The following TNFAIP8 variants were observed in gnomAD, a reference collection of about 807,000 sequenced individuals.
The protein encoded by TNFAIP8 is tumor necrosis factor alpha-induced protein 8.
A neutral mutation model predicts 13.3 loss-of-function variants in TNFAIP8; 7 were observed. The observed-to-expected ratio is 0.52, with a 90% CI of 0.30 to 0.99. The LOEUF is 0.99. Among genes scored for constraint, TNFAIP8 ranks in the 50% least tolerant of loss-of-function variants. The probability of loss-of-function intolerance (pLI) is 0.07; values close to 1 mark genes in which losing one functional copy is unlikely to be tolerated. For synonymous variants in TNFAIP8, 94 were observed against 87.6 expected, an observed-to-expected ratio of 1.07 and a Z score of -0.41; for missense variants, 258 against 236.9, an observed-to-expected ratio of 1.09 and a Z score of -0.58.
chr5:119,373,909 G>A (rs1054184871), intron 1 of TNFAIP8, among the ~76,000 whole-genome samples: 3 of 152,074 alleles, frequency 2.0e-5, no homozygotes, highest in African/African-American at 7.2e-5. Context: ...AGGTAGATGG[G>A]GATTCATAGC....
chr5:119,381,498 C>T (rs1752482260), intron 1 of TNFAIP8, among the ~76,000 whole-genome samples: 1 of 152,044 alleles, frequency 6.6e-6, no homozygotes, highest in Non-Finnish European at 1.5e-5. Context: ...CATGATTGCA[C>T]CACTGCCCTC....
rs2112878875 is a variant in TNFAIP8, at chr5:119,395,988, A to G, written c.*2607A>G. 6.6e-6 allele frequency: 1 copy of G among 152,346 alleles called. No homozygotes were observed. Among genetic ancestry groups the G allele is most frequent in the Admixed American group, 6.5e-5 (1 of 15,300 alleles). 9.4% of individuals were successfully genotyped at this position (152,346 alleles called of 1,614,324 possible). ...TGGATGATAATACTAATGGACAACT[A>G]ACGCAGAGTAGTTTGTATTATGTGT... On this transcript the variant is annotated 3_prime_UTR_variant, in exon 2 of 2. Coordinates refer to ENST00000504771, the MANE Select transcript of TNFAIP8 (RefSeq NM_014350.4).
At chr5:119,275,483 G>A (rs1180947921) in intron 1 of TNFAIP8, among the ~76,000 whole-genome samples, 1 of 152,136 alleles carries the variant, frequency 6.6e-6, no homozygotes, top group Non-Finnish European at 1.5e-5. Flanking sequence ...CTCAGGACTC[G>A]GAGTTGCCAA....
intron 1 of TNFAIP8, among the ~76,000 whole-genome samples, chr5:119,319,601 A>G (rs769224343): frequency 7.2e-5 from 11 of 152,192 alleles, no homozygotes; most frequent in Non-Finnish European, 1.3e-4. Context: ...AGATAATTAA[A>G]TGAGTGCTTA....
At chr5:119,357,482 G>A (rs1228175844) in intron 1 of TNFAIP8, among the ~76,000 whole-genome samples, 2 of 152,164 alleles carry the variant, frequency 1.3e-5, no homozygotes, top group Non-Finnish European at 2.9e-5. Context: ...ATTACAAGTA[G>A]CACTTAAGCT....
At chr5:119,381,509 C>T (rs1264223021) in intron 1 of TNFAIP8, among the ~76,000 whole-genome samples, 1 of 151,978 alleles carries the variant, frequency 6.6e-6, no homozygotes, top group Non-Finnish European at 1.5e-5. Context: ...CACTGCCCTC[C>T]AGCTGGGTGA....
At chr5:119,379,037 T>A (rs1247310451) in intron 1 of TNFAIP8, among the ~76,000 whole-genome samples, 3 of 152,196 alleles carry the variant, frequency 2.0e-5, no homozygotes, top group African/African-American at 7.2e-5. Flanking sequence ...CACTCCAACC[T>A]GGATGACAGA....
chr5:119,345,959 A>T (rs1750886882), intron 1 of TNFAIP8, among the ~76,000 whole-genome samples: 2 of 152,194 alleles, frequency 1.3e-5, no homozygotes, highest in Admixed American at 1.3e-4. Context: ...AGCTAACAGG[A>T]AGTAAAGAGA....
chr5:119,324,075 A>G (rs1288602869), intron 1 of TNFAIP8, among the ~76,000 whole-genome samples: 1 of 151,780 alleles, frequency 6.6e-6, no homozygotes, highest in Admixed American at 6.6e-5. Context: ...TTTTTTCCTT[A>G]GAAGTTCCAG....
intron 1 of TNFAIP8, among the ~76,000 whole-genome samples, chr5:119,334,659 G>GTA (rs1750492935): frequency 7.2e-6 from 1 of 139,442 alleles, no homozygotes; most frequent in Non-Finnish European, 1.5e-5. Context: ...GTGTGTGTGT[G>GTA]TATACCTGGG....
At chr5:119,317,597 A>ATT (rs1749936668) in intron 1 of TNFAIP8, among the ~76,000 whole-genome samples, 1 of 148,142 alleles carries the variant, frequency 6.8e-6, no homozygotes, top group African/African-American at 2.5e-5. Flanking sequence ...TAATAATAAT[A>ATT]ATTATTATTA....
At chr5:119,271,817 CAT>C (rs887235747) in intron 1 of TNFAIP8, among the ~76,000 whole-genome samples, 1 of 152,214 alleles carries the variant, frequency 6.6e-6, no homozygotes, top group Non-Finnish European at 1.5e-5. Flanking sequence ...ACACTGCCCA[CAT>C]CCTGCATTTA....
At chr5:119,328,013 A>G (rs892508770) in intron 1 of TNFAIP8, among the ~76,000 whole-genome samples, 2 of 152,144 alleles carry the variant, frequency 1.3e-5, no homozygotes, top group African/African-American at 4.8e-5. Context: ...AAGATGAAAG[A>G]AAAGAAAGGG....
intron 1 of TNFAIP8, among the ~76,000 whole-genome samples, chr5:119,291,916 A>C (rs887072683): frequency 6.6e-6 from 1 of 152,202 alleles, no homozygotes; most frequent in Non-Finnish European, 1.5e-5. Context: ...AACCTTGGAG[A>C]CATCTGTAAC....
chr5:119,380,484 T>G (rs1358310649), intron 1 of TNFAIP8, among the ~76,000 whole-genome samples: 1 of 152,246 alleles, frequency 6.6e-6, no homozygotes, highest in Non-Finnish European at 1.5e-5. Flanking sequence ...ATCACGGAGC[T>G]GTTGAGAGGA....
upstream of TNFAIP8, among the ~76,000 whole-genome samples, chr5:119,352,941 A>G (rs1244869779): frequency 1.3e-5 from 2 of 152,232 alleles, no homozygotes; most frequent in Admixed American, 6.5e-5. Flanking sequence ...TTATACCTCA[A>G]TGAATGAATA....
Position 119,396,250 on chromosome 5 carries a change from A to G in TNFAIP8, c.*2869A>G, listed in dbSNP as rs1041812259. ...TGCTGAAATGGTTCCTCATATAGTGACATTTTAGGCAGTACCTAAGTCAGC... is the reference window on the plus strand; with the variant it reads ...TGCTGAAATGGTTCCTCATATAGTGGCATTTTAGGCAGTACCTAAGTCAGC... On this transcript the variant is annotated 3_prime_UTR_variant, in exon 2 of 2. Coordinates refer to ENST00000504771, the MANE Select transcript of TNFAIP8 (RefSeq NM_014350.4). 6 of 152,238 alleles carry G rather than the reference A, an allele frequency of 3.9e-5. No individual in the cohort carries two copies. The highest frequency in any genetic ancestry group is 9.6e-5 in the African/African-American group (4 of 41,462). 9.4% of individuals were successfully genotyped at this position (152,238 alleles called of 1,614,324 possible). A position where few individuals can be genotyped will look rare whatever the true frequency, so the allele number is the denominator to read the frequency against.
intron 1 of TNFAIP8, among the ~76,000 whole-genome samples, chr5:119,285,061 G>C (rs1005666168): frequency 2.6e-5 from 4 of 152,062 alleles, no homozygotes; most frequent in Non-Finnish European, 5.9e-5. Flanking sequence ...GAATATCATA[G>C]AGAAATTTTG....
intron 1 of TNFAIP8, among the ~76,000 whole-genome samples, chr5:119,347,297 A>T (rs1041530320): frequency 1.2e-4 from 19 of 152,208 alleles, no homozygotes; most frequent in Non-Finnish European, 2.2e-4. Flanking sequence ...ATGGTAGCCA[A>T]TGTACCCATT....
Sources: allele counts gnomAD v4.1 joint callset (sites outside exome capture counted in the v4.1 genomes callset), GRCh38; gene constraint gnomAD v4.1.1; transcripts MANE v1.5; gene names NCBI Gene and HGNC (gene_info 2026-07-23, HGNC 2026-07-21).